Variants in SF3B1 observed in about 807,000 individuals in gnomAD.
The protein encoded by SF3B1 is pre-mRNA processing 10.
SF3B1 carries 12 observed loss-of-function variants against 153.8 expected under a neutral mutation model. The observed-to-expected ratio is 0.08, with a 90% confidence interval of 0.05 to 0.13. The LOEUF (loss-of-function observed/expected upper bound fraction) is 0.13, where lower values mean the gene tolerates loss of function less well. Among genes scored for constraint, SF3B1 ranks in the 10% least tolerant of loss-of-function variants. The pLI, the probability that SF3B1 is intolerant of heterozygous loss-of-function variation, is 1.00. For synonymous variants in SF3B1, 498 were observed against 525.2 expected (o/e 0.95, Z 0.71); for missense variants, 513 against 1,606.1 (o/e 0.32, Z 11.63).
intron 2 of SF3B1, among the ~76,000 whole-genome samples, chr2:197,422,294 G>C (rs913667538): frequency 3.3e-5 from 5 of 151,472 alleles, no homozygotes; most frequent in Non-Finnish European, 5.9e-5. Flanking sequence ...AATGTGACTT[G>C]AATTTCTTAA....
chr2:197,408,231 A>C, intron 8 of SF3B1, 112 bp from the exon 9 acceptor site: 1 of 1,294,732 alleles, frequency 7.7e-7, no homozygotes, highest in Non-Finnish European at 1.1e-6. Context: ...TATATTATAA[A>C]CGCAAACCAA....
rs1032281851 is a variant in SF3B1, at chr2:197,391,009, T to C, written c.*1294A>G. ...CTAATGCTGCTTGCAGAATTTTTTT[T>C]CCCTTTAGAGTTCACAGAAGTACTA... is the stretch of plus-strand genomic sequence containing the variant. On this transcript the variant is annotated 3_prime_UTR_variant, in exon 25 of 25. Transcript: ENST00000335508. 1 of 152,114 alleles carries C rather than the reference T, an allele frequency of 6.6e-6. No individual in the cohort carries two copies. The highest frequency in any genetic ancestry group is 1.5e-5 in the Non-Finnish European group (1 of 68,012). 9.4% of individuals were successfully genotyped at this position (152,114 alleles called of 1,614,324 possible). A position where few individuals can be genotyped will look rare whatever the true frequency, so the allele number is the denominator to read the frequency against.
rs796280521 is a variant in SF3B1 at position 197,395,524 on chromosome 2, G to A, written c.3539+532C>T. On this transcript the variant is annotated intron_variant, in intron 23 of 24. Coordinates refer to ENST00000335508, the MANE Select transcript of SF3B1 (RefSeq NM_012433.4). ...GTTACTTCTGTGTTTAAGGCTGTACGTCAGTCTAGATGGTAAAAGGTATTA... is the reference window on the plus strand; with the variant it reads ...GTTACTTCTGTGTTTAAGGCTGTACATCAGTCTAGATGGTAAAAGGTATTA... Among the ~76,000 whole-genome samples the A allele has an allele frequency of 7.9e-5, 12 of 152,244 alleles. No individual in the cohort carries two copies. The South Asian group carries it at 1.5e-3, about 18-fold the overall frequency.
Position 197,402,896 on chromosome 2 carries a change from T to A in SF3B1, c.1806+53A>T, listed in dbSNP as rs2105987816. 4 of 1,608,574 alleles carry A rather than the reference T, an allele frequency of 2.5e-6. No homozygotes were observed. The South Asian group carries it at 4.4e-5, about 18-fold the overall frequency. On this transcript the variant is annotated intron_variant, in intron 13 of 24. Transcript: ENST00000335508. This position sits in a 1 kb window ranked among gnomAD's most constrained non-coding sequence, Gnocchi z 4.6. ...AATCTTCAACCATTTCTTTCCATAATCAATTCCATAAACAGATATAAATTT... is the reference window on the plus strand; with the variant it reads ...AATCTTCAACCATTTCTTTCCATAAACAATTCCATAAACAGATATAAATTT...
In SF3B1 at chr2:197,401,942, T is replaced by C; in HGVS notation, c.2223+43A>G. ...TTAGTAATTTAGATTTATGTCGCCT[T>C]AACTTTAATGAAGATAAATCAAAAG... On this transcript the variant is annotated intron_variant, in intron 15 of 24. Transcript: ENST00000335508. This position sits in a 1 kb window ranked among gnomAD's most constrained non-coding sequence, Gnocchi z 4.2. 3 of 1,598,234 alleles carry C rather than the reference T, an allele frequency of 1.9e-6. No individual in the cohort carries two copies. The highest frequency in any genetic ancestry group is 2.6e-6 in the Non-Finnish European group (3 of 1,175,384).
chr2:197,407,925 T>C, intron 9 of SF3B1, 73 bp downstream of exon 9: 1 of 1,414,100 alleles, frequency 7.1e-7, no homozygotes, highest in Non-Finnish European at 9.8e-7. Flanking sequence ...CAATGCAAGC[T>C]TAATCAATTT....
At chr2:197,427,500 C>T (rs2085353169) in intron 1 of SF3B1, among the ~76,000 whole-genome samples, 1 of 149,234 alleles carries the variant, frequency 6.7e-6, no homozygotes, top group African/African-American at 2.6e-5. Context: ...TCTTAATAAA[C>T]TATGTGCTAA....
intron 6 of SF3B1, among the ~76,000 whole-genome samples, chr2:197,413,048 G>A: frequency 6.6e-6 from 1 of 151,288 alleles, no homozygotes; most frequent in East Asian, 1.9e-4. Flanking sequence ...ATTAACAGGA[G>A]GACAAACTTC....
At chr2:197,434,874 C>T in intron 1 of SF3B1, 98 bp downstream of exon 1, 1 of 1,367,220 alleles carries the variant, frequency 7.3e-7, no homozygotes, top group South Asian at 1.2e-5. Flanking sequence ...GGCTCAGCTC[C>T]TACGAAAGAA....
At chr2:197,421,230 T>C (rs1176418714) in intron 2 of SF3B1, 97 bp from the exon 3 acceptor site, 11 of 795,420 alleles carry the variant, frequency 1.4e-5, no homozygotes, top group Non-Finnish European at 1.9e-5. Context: ...AAAAGATCTA[T>C]TGACAGTGTG....
At chr2:197,420,829 T>A (rs1040961286) in intron 3 of SF3B1, among the ~76,000 whole-genome samples, 200 bp downstream of exon 3, 16 of 152,140 alleles carry the variant, frequency 1.1e-4, no homozygotes, top group Admixed American at 9.2e-4. Flanking sequence ...ACAGGAGGAA[T>A]CCTTGAGCCC....
chr2:197,400,479 A>G lies in SF3B1; in HGVS notation c.2719-45T>C, dbSNP rs746186863. On this transcript the variant is annotated intron_variant, in intron 18 of 24. Transcript: ENST00000335508. This position sits in a 1 kb window ranked among gnomAD's most constrained non-coding sequence, Gnocchi z 5.0. ...AAAAGACATATTCATTTGGTTTATG[A>G]CTGCACAGTTGAAATACACTAAGAG... 7 of 1,500,018 alleles carry G rather than the reference A, an allele frequency of 4.7e-6. No individual in the cohort carries two copies. The highest frequency in any genetic ancestry group is 1.4e-5 in the African/African-American group (1 of 71,012). The allele number at this position is 1,500,018 out of a possible 1,614,324, so 92.9% of individuals were successfully genotyped here.
chr2:197,407,770 T>C (rs1000721294), intron 9 of SF3B1, among the ~76,000 whole-genome samples: 2 of 152,146 alleles, frequency 1.3e-5, no homozygotes, highest in Non-Finnish European at 2.9e-5. Context: ...GTATAACCGA[T>C]AGACCCATAC....
rs74948523 is a variant in SF3B1 at position 197,431,638 on chromosome 2, G to A, written c.28+3334C>T. ...TACTCTCCTTCAGCCAGATATAACCGGTGAACAACTATTTCCAAAATACAA... is the reference window on the plus strand; with the variant it reads ...TACTCTCCTTCAGCCAGATATAACCAGTGAACAACTATTTCCAAAATACAA... On this transcript the variant is annotated intron_variant, in intron 1 of 24. Transcript: ENST00000335508. Among the ~76,000 whole-genome samples the A allele has an allele frequency of 4.4e-3, 670 of 152,098 alleles. 3 individuals carry two copies. Among genetic ancestry groups the A allele is most frequent in the African/African-American group, 0.015 (639 of 41,478 alleles).
At chr2:197,419,108 G>C (rs748066873) in intron 4 of SF3B1, 4 of 592,578 alleles carry the variant, frequency 6.8e-6, no homozygotes, top group Non-Finnish European at 1.2e-5. Context: ...TAGAAAATCT[G>C]ATTTTAAAAA....
chr2:197,418,217 CAG>C, intron 5 of SF3B1, among the ~76,000 whole-genome samples: 1 of 77,248 alleles, frequency 1.3e-5, no homozygotes, highest in African/African-American at 4.5e-5. Context: ...GCCTGGATGA[CAG>C]AGTGAGACTG....
At position 197,402,307 on chromosome 2, in the gene SF3B1, C is replaced by G. The variant is rs2084943770; in HGVS notation, c.2078-177G>C. ...GCCTGTCAGCAGATAATATAACAAACCCATCATAAAATCTATAGTTTGTAG... is the reference window on the plus strand; with the variant it reads ...GCCTGTCAGCAGATAATATAACAAAGCCATCATAAAATCTATAGTTTGTAG... On this transcript the variant is annotated intron_variant, in intron 14 of 24. Coordinates refer to ENST00000335508, the MANE Select transcript of SF3B1 (RefSeq NM_012433.4). The surrounding 1 kb of genome is among the most constrained non-coding windows in gnomAD (Gnocchi z 4.6). 1.3e-6 allele frequency: 1 copy of G among 759,206 alleles called. No individual in the cohort carries two copies. The highest frequency in any genetic ancestry group is 2.1e-6 in the Non-Finnish European group (1 of 481,882). The allele number at this position is 759,206 out of a possible 1,614,324, so 47.0% of individuals were successfully genotyped here.
intron 23 of SF3B1, among the ~76,000 whole-genome samples, chr2:197,395,627 T>A (rs1037914272): frequency 3.9e-5 from 6 of 152,038 alleles, no homozygotes; most frequent in African/African-American, 1.4e-4. Context: ...ACAGGAAGAG[T>A]GTAGTTCTGG....
chr2:197,412,107 C>CAAA (rs397987243), intron 6 of SF3B1, among the ~76,000 whole-genome samples: 3 of 81,706 alleles, frequency 3.7e-5, no homozygotes, highest in Non-Finnish European at 7.3e-5. Context: ...GACTCTGTCT[C>CAAA]AAAAAAAAAA....
Sources: gnomAD v4.1 joint callset for allele counts (sites outside exome capture counted in the v4.1 genomes callset) on GRCh38, gnomAD v4.1.1 for gene constraint, Gnocchi (gnomAD v3.1) non-coding constraint, MANE v1.5 for transcripts, NCBI Gene and HGNC (gene_info 2026-07-23, HGNC 2026-07-21) for gene names.